Variants in CCDC27 observed in about 807,000 individuals in gnomAD.
CCDC27 encodes the protein coiled-coil domain-containing protein 27.
A neutral mutation model predicts 80.3 loss-of-function variants in CCDC27; 80 were observed. The ratio of observed to expected loss-of-function variants is 1.00; its 90% CI spans 0.83 to 1.20. The LOEUF is 1.20. CCDC27 is among the 50% of genes most tolerant of loss of function. CCDC27 has a pLI of 0.00. For missense variants in CCDC27, 815 were observed against 809.4 expected (o/e 1.01, Z -0.08); for synonymous variants, 342 against 334.3 (o/e 1.02, Z -0.25).
intron 4 of CCDC27, among the ~76,000 whole-genome samples, chr1:3,759,609 G>A (rs879250796): frequency 3.3e-5 from 5 of 152,180 alleles, no homozygotes; most frequent in Admixed American, 6.5e-5. Flanking sequence ...TTATGGACAT[G>A]AGTCACAAAA....
chr1:3,763,399 G>T lies in CCDC27; in HGVS notation c.1246G>T (p.Glu416Ter). ...TGAGGAGGAGCTGCTGGCCCAGCTG[G>T]AGGAGTACGAGCAGGTCATCCTGGA... ...SFEEELLAQL[E>*]EYEQVILDFQ... The change falls in exon 7 of 12, where the codon GAG becomes TAG. Residue 416 changes from glutamate (E) to a stop codon, truncating the protein, a stop_gained. Transcript: ENST00000294600. LOFTEE classifies it high-confidence loss of function. This position sits in a 1 kb window ranked among gnomAD's most constrained non-coding sequence, Gnocchi z 7.5. The T allele has an allele frequency of 1.9e-6, 3 of 1,612,808 alleles. No homozygotes were observed. The highest frequency in any genetic ancestry group is 2.5e-6 in the Non-Finnish European group (3 of 1,179,930).
In CCDC27 at chr1:3,763,776, T is replaced by C. The variant is rs754681027; in HGVS notation, c.1392T>C (p.Asn464=). 1.9e-6 allele frequency: 3 copies of C among 1,613,888 alleles called. No homozygotes were observed. The Admixed American group carries it at 5.0e-5, about 27-fold the overall frequency. Residue 464 remains asparagine, a synonymous_variant, in exon 8 of 12, where the codon AAT becomes AAC. Transcript: ENST00000294600. This position sits in a 1 kb window ranked among gnomAD's most constrained non-coding sequence, Gnocchi z 7.5. The stretch of plus-strand genomic sequence containing the variant: ...AGCTGCGAAAGATCAATACGGAAAA[T>C]GAGACGCTGCAGAAGGAGCTCCGAG... ...ETQLRKINTE[N]ETLQKELRER... is the part of the protein sequence containing the mutation.
chr1:3,763,097 C>A lies in CCDC27; in HGVS notation c.955-11C>A. 2 of 1,467,518 alleles carry A rather than the reference C, an allele frequency of 1.4e-6. No homozygotes were observed. Among genetic ancestry groups the A allele is most frequent in the Non-Finnish European group, 1.8e-6 (2 of 1,108,318 alleles). The allele number at this position is 1,467,518 out of a possible 1,614,324, so 90.9% of individuals were successfully genotyped here. A position where few individuals can be genotyped will look rare whatever the true frequency, so the allele number is the denominator to read the frequency against. The stretch of plus-strand genomic sequence containing the variant: ...CAGCCCTGCCCAGCCCCTGCCCTAC[C>A]CATCTTACAGATGCAGGAGGAGTCT... On this transcript the variant is annotated splice_polypyrimidine_tract_variant and intron_variant, in intron 6 of 11. Coordinates refer to ENST00000294600, the MANE Select transcript of CCDC27 (RefSeq NM_152492.3). This position sits in a 1 kb window ranked among gnomAD's most constrained non-coding sequence, Gnocchi z 7.5.
At chr1:3,767,089 G>A (rs1297331470) in intron 9 of CCDC27, 144 bp from the exon 10 acceptor site, 8 of 677,434 alleles carry the variant, frequency 1.2e-5, no homozygotes, top group Admixed American at 2.6e-5. Flanking sequence ...TCCGCCCACC[G>A]CAGCTTCCCA....
rs577953661 is a variant in CCDC27 at position 3,764,426 on chromosome 1, C to T, written c.1452+590C>T. Among the ~76,000 whole-genome samples the T allele has an allele frequency of 1.5e-3, 228 of 152,172 alleles. 1 individual carries two copies. The highest frequency in any genetic ancestry group is 2.5e-3 in the South Asian group (12 of 4,818). On this transcript the variant is annotated intron_variant, in intron 8 of 11. Transcript: ENST00000294600. ...TCTCTAAATAGCATGCTCATAGTGG[C>T]CATTCTAGATTGTTCTCCATCTTAA...
intron 4 of CCDC27, among the ~76,000 whole-genome samples, chr1:3,758,694 C>T (rs918701925): frequency 1.3e-5 from 2 of 152,188 alleles, no homozygotes; most frequent in African/African-American, 4.8e-5. Context: ...TCCCAGGGTT[C>T]AAGCAATCTT....
chr1:3,754,642 A>T (rs976560240), intron 2 of CCDC27, among the ~76,000 whole-genome samples: 2 of 151,918 alleles, frequency 1.3e-5, no homozygotes, highest in African/African-American at 4.8e-5. Context: ...TCCGGTCCAA[A>T]CCCTTCACTG....
chr1:3,763,189 G>C lies in CCDC27; in HGVS notation c.1036G>C (p.Glu346Gln). The change falls in exon 7 of 12, where the codon GAG becomes CAG. Residue 346 changes from glutamate to glutamine, a missense_variant. By Grantham distance (29) the Glu-to-Gln change is conservative (BLOSUM62 2). Coordinates refer to ENST00000294600, the MANE Select transcript of CCDC27 (RefSeq NM_152492.3). The surrounding 1 kb of genome is among the most constrained non-coding windows in gnomAD (Gnocchi z 7.5). ...CGAGGAGGACGAGGGCCTGGAAGGG[G>C]AGCCCGATGGGGTGGAGGACACGGG... ...GGEEDEGLEG[E>Q]PDGVEDTGAW... 2.6e-6 allele frequency: 4 copies of C among 1,513,664 alleles called. No homozygotes were observed. Among genetic ancestry groups the C allele is most frequent in the Non-Finnish European group, 3.5e-6 (4 of 1,127,928 alleles). The allele number at this position is 1,513,664 out of a possible 1,614,324, so 93.8% of individuals were successfully genotyped here. A position where few individuals can be genotyped will look rare whatever the true frequency, so the allele number is the denominator to read the frequency against.
At chr1:3,753,961 C>A (rs371192785) in intron 1 of CCDC27, among the ~76,000 whole-genome samples, 157 bp from the exon 2 acceptor site, 1 of 151,942 alleles carries the variant, frequency 6.6e-6, no homozygotes, top group Non-Finnish European at 1.5e-5. Flanking sequence ...AGGGGCCACA[C>A]GGTGTCCTGG....
chr1:3,755,159 G>A (rs561574556), intron 2 of CCDC27, among the ~76,000 whole-genome samples: 9 of 152,318 alleles, frequency 5.9e-5, no homozygotes, highest in African/African-American at 1.4e-4. Flanking sequence ...GGGAGCTTCC[G>A]TTCGACTTTT....
chr1:3,763,827 G>T lies in CCDC27; in HGVS notation c.1443G>T (p.Met481Ile). The change falls in exon 8 of 12, where the codon ATG (methionine) becomes ATT (isoleucine). Residue 481 changes from methionine to isoleucine, a missense_variant. Met to Ile is a conservative substitution (Grantham distance 10, BLOSUM62 1). Coordinates refer to ENST00000294600, the MANE Select transcript of CCDC27 (RefSeq NM_152492.3). This position sits in a 1 kb window ranked among gnomAD's most constrained non-coding sequence, Gnocchi z 7.5. ...AGCGGAGGCAGCAGCTACAAGCCAT[G>T]ACCGACAAGGTGGCCGTGCGCTCAG... is the stretch of plus-strand genomic sequence containing the variant. Reference protein sequence around the residue: ...LRERRQQLQAMTDKFSNLRED... With the variant: ...LRERRQQLQAITDKFSNLRED... The T allele has an allele frequency of 1.9e-6, 3 of 1,613,996 alleles. No individual in the cohort carries two copies. In the South Asian group the frequency reaches 3.3e-5, roughly 18 times the overall value.
At position 3,760,624 on chromosome 1, in the gene CCDC27, G is replaced by A. The variant is rs374545892; in HGVS notation, c.712-657G>A. On this transcript the variant is annotated intron_variant, in intron 4 of 11. Transcript: ENST00000294600. The surrounding 1 kb of genome is among the most constrained non-coding windows in gnomAD (Gnocchi z 4.3). ...CTTGTGATTTCTTTTTTGACCCATT[G>A]GCTACACAGAAGCCTATCACTTACT... is the stretch of plus-strand genomic sequence containing the variant. Among the ~76,000 whole-genome samples the A allele has an allele frequency of 1.3e-5, 2 of 152,110 alleles. No individual in the cohort carries two copies. The highest frequency in any genetic ancestry group is 2.9e-5 in the Non-Finnish European group (2 of 68,026).
At position 3,763,039 on chromosome 1, in the gene CCDC27, A is replaced by G; in HGVS notation, c.955-69A>G. 2 of 1,427,066 alleles carry G rather than the reference A, an allele frequency of 1.4e-6. No homozygotes were observed. Among genetic ancestry groups the G allele is most frequent in the Non-Finnish European group, 1.8e-6 (2 of 1,088,310 alleles). The allele number at this position is 1,427,066 out of a possible 1,614,324, so 88.4% of individuals were successfully genotyped here. A position where few individuals can be genotyped will look rare whatever the true frequency, so the allele number is the denominator to read the frequency against. ...CGCCCTCCCCGGTGCCCCCGCCATG[A>G]GCATTAGAGCCCTCTGCCCTGGGGG... is the stretch of plus-strand genomic sequence containing the variant. On this transcript the variant is annotated intron_variant, in intron 6 of 11. Coordinates refer to ENST00000294600, the MANE Select transcript of CCDC27 (RefSeq NM_152492.3). The surrounding 1 kb of genome is among the most constrained non-coding windows in gnomAD (Gnocchi z 7.5).
chr1:3,753,362 C>T (rs1358443822), intron 1 of CCDC27, among the ~76,000 whole-genome samples: 12 of 135,422 alleles, frequency 8.9e-5, no homozygotes, highest in Non-Finnish European at 1.7e-4. Flanking sequence ...TCACTCTTGT[C>T]ACCCGGGCTG....
At chr1:3,755,359 C>T in intron 2 of CCDC27, 98 bp from the exon 3 acceptor site, 1 of 1,025,542 alleles carries the variant, frequency 9.8e-7, no homozygotes, top group Non-Finnish European at 1.5e-6. Flanking sequence ...CCACCTGTGT[C>T]CCTACCTGGT....
At chr1:3,756,699 C>T in intron 3 of CCDC27, 34 bp from the exon 4 acceptor site, 1 of 1,611,048 alleles carries the variant, frequency 6.2e-7, no homozygotes, top group Admixed American at 1.7e-5. Flanking sequence ...AGGGAAGGGT[C>T]TCATTTCTCA....
At chr1:3,753,330 T>C in intron 1 of CCDC27, among the ~76,000 whole-genome samples, 1 of 135,104 alleles carries the variant, frequency 7.4e-6, no homozygotes, top group Non-Finnish European at 1.6e-5. Context: ...CTTTTTTTTT[T>C]TTTTTTTTTT....
At position 3,768,755 on chromosome 1, in the gene CCDC27, C is replaced by G. The variant is rs907157832; in HGVS notation, c.1744-1028C>G. Among the ~76,000 whole-genome samples the G allele has an allele frequency of 6.6e-6, 1 of 152,150 alleles. No individual in the cohort carries two copies. The highest frequency in any genetic ancestry group is 2.4e-5 in the African/African-American group (1 of 41,432). ...CGCCAAGCCTGATGGTGAGGCCCCA[C>G]GGGTGTGGGGAAGTGAGGCTGGACA... On this transcript the variant is annotated intron_variant, in intron 10 of 11. Transcript: ENST00000294600. The surrounding 1 kb of genome is among the most constrained non-coding windows in gnomAD (Gnocchi z 5.6).
chr1:3,767,551 G>T, intron 10 of CCDC27, 106 bp downstream of exon 10: 1 of 937,148 alleles, frequency 1.1e-6, no homozygotes. Flanking sequence ...TGTGTACGCT[G>T]GGGCTCGGGC....
Sources: allele counts gnomAD v4.1 joint callset (sites outside exome capture counted in the v4.1 genomes callset), GRCh38; gene constraint gnomAD v4.1.1; non-coding constraint Gnocchi (gnomAD v3.1); transcripts MANE v1.5; gene names NCBI Gene and HGNC (gene_info 2026-07-23, HGNC 2026-07-21).